CD2AP: variants seen among roughly 807,000 people sequenced by gnomAD.
The protein encoded by CD2AP is CD2 associated protein, also known as CD2-associated protein.
Under a neutral mutation model 85.1 loss-of-function variants are expected in CD2AP, and 46 were observed. The observed-to-expected ratio is 0.54, with a 90% CI of 0.43 to 0.69. The LOEUF (loss-of-function observed/expected upper bound fraction) is 0.69. Ranked by LOEUF, CD2AP falls within the 30% of genes least tolerant of loss-of-function variation. The probability of loss-of-function intolerance (pLI) is 0.00; values close to 1 mark genes in which losing one functional copy is unlikely to be tolerated. For synonymous variants in CD2AP, 255 were observed against 252.9 expected, an observed-to-expected ratio of 1.01 and a Z score of -0.08; for missense variants, 769 against 729.5, an observed-to-expected ratio of 1.05 and a Z score of -0.62.
chr6:47,491,250 C>A (rs1174048743), intron 1 of CD2AP, among the ~76,000 whole-genome samples: 1 of 138,444 alleles, frequency 7.2e-6, no homozygotes, highest in African/African-American at 2.7e-5. Context: ...ATATTTCTTT[C>A]TTCCTGATAT....
chr6:47,489,599 T>C (rs1765671632), intron 1 of CD2AP, among the ~76,000 whole-genome samples: 1 of 152,174 alleles, frequency 6.6e-6, no homozygotes, highest in African/African-American at 2.4e-5. Flanking sequence ...GTTACTAGCA[T>C]TTAGGGAATT....
rs907907990 is a variant in CD2AP at position 47,477,877 on chromosome 6, G to A, written c.-368G>A. On this transcript the variant is annotated 5_prime_UTR_variant, in exon 1 of 18. Coordinates refer to ENST00000359314, the MANE Select transcript of CD2AP (RefSeq NM_012120.3). ...AGGCGAGGGGCGGGCTCCGAGGCTA[G>A]GCGGGCGCTCGGGGTTGGAGCCGAG... The A allele has an allele frequency of 1.7e-5, 6 of 359,460 alleles. No homozygotes were observed. Among genetic ancestry groups the A allele is most frequent in the African/African-American group, 1.3e-4 (6 of 45,730 alleles). The allele number at this position is 359,460 out of a possible 1,614,324, so 22.3% of individuals were successfully genotyped here. A position where few individuals can be genotyped will look rare whatever the true frequency, so the allele number is the denominator to read the frequency against.
At chr6:47,516,139 T>A (rs141540520) in intron 2 of CD2AP, among the ~76,000 whole-genome samples, 26 of 152,362 alleles carry the variant, frequency 1.7e-4, no homozygotes, top group African/African-American at 6.0e-4. Context: ...GTTTACATTG[T>A]GGTACCAACA....
intron 11 of CD2AP, among the ~76,000 whole-genome samples, chr6:47,585,869 A>C (rs1188562795): frequency 6.6e-6 from 1 of 152,240 alleles, no homozygotes; most frequent in Non-Finnish European, 1.5e-5. Flanking sequence ...TAGAGTTCAT[A>C]AAACAGTGTA....
At chr6:47,534,996 C>T (rs1766990422) in intron 3 of CD2AP, among the ~76,000 whole-genome samples, 1 of 151,964 alleles carries the variant, frequency 6.6e-6, no homozygotes, top group African/African-American at 2.4e-5. Flanking sequence ...GGGGTTTTGC[C>T]ATGTTGCCTG....
chr6:47,519,789 G>A (rs1766537823), intron 2 of CD2AP, among the ~76,000 whole-genome samples: 1 of 152,032 alleles, frequency 6.6e-6, no homozygotes, highest in Non-Finnish European at 1.5e-5. Flanking sequence ...CTATAATATG[G>A]CAGGCACTGT....
intron 1 of CD2AP, among the ~76,000 whole-genome samples, chr6:47,490,627 A>T (rs1765709759): frequency 6.6e-6 from 1 of 152,192 alleles, no homozygotes; most frequent in Non-Finnish European, 1.5e-5. Context: ...TGTCTCAGGT[A>T]ATCAGTCTTT....
At chr6:47,486,202 T>C (rs945439690) in intron 1 of CD2AP, among the ~76,000 whole-genome samples, 17 of 152,326 alleles carry the variant, frequency 1.1e-4, no homozygotes, top group Admixed American at 9.8e-4. Context: ...ATAAAAGTTT[T>C]GGTGCCTTGA....
At chr6:47,549,077 C>T (rs1036583672) in intron 4 of CD2AP, among the ~76,000 whole-genome samples, 2 of 152,026 alleles carry the variant, frequency 1.3e-5, no homozygotes, top group African/African-American at 4.8e-5. Context: ...GCCGTCTATG[C>T]AAAACCACAG....
chr6:47,509,956 A>G (rs1766271192), intron 2 of CD2AP, among the ~76,000 whole-genome samples: 1 of 152,246 alleles, frequency 6.6e-6, no homozygotes, highest in Non-Finnish European at 1.5e-5. Flanking sequence ...ATGCTAATGT[A>G]TATTTCTACT....
intron 1 of CD2AP, among the ~76,000 whole-genome samples, 197 bp downstream of exon 1, chr6:47,478,445 T>C (rs544327170): frequency 6.7e-6 from 1 of 149,974 alleles, no homozygotes; most frequent in East Asian, 2.2e-4. Context: ...GTGGGAGAGC[T>C]CGCGGGTGCT....
chr6:47,568,037 G>A (rs910695865), intron 5 of CD2AP, among the ~76,000 whole-genome samples: 2 of 152,102 alleles, frequency 1.3e-5, no homozygotes, highest in Non-Finnish European at 2.9e-5. Context: ...GTGTAGAATA[G>A]GATCTATATA....
intron 2 of CD2AP, among the ~76,000 whole-genome samples, chr6:47,526,600 C>T (rs904318696): frequency 6.6e-6 from 1 of 152,102 alleles, no homozygotes; most frequent in African/African-American, 2.4e-5. Flanking sequence ...GCAATGAATT[C>T]ATATATCATG....
At chr6:47,483,174 CA>C (rs1387296166) in intron 1 of CD2AP, among the ~76,000 whole-genome samples, 2 of 152,194 alleles carry the variant, frequency 1.3e-5, no homozygotes, top group African/African-American at 4.8e-5. Flanking sequence ...AGATTTAACA[CA>C]AGCAGGATTT....
intron 3 of CD2AP, among the ~76,000 whole-genome samples, chr6:47,535,239 A>G (rs1767002576): frequency 6.6e-6 from 1 of 152,196 alleles, no homozygotes; most frequent in African/African-American, 2.4e-5. Flanking sequence ...AAAAATTCAA[A>G]AAACTGCAAC....
At chr6:47,607,636 G>A (rs1436069147) in intron 14 of CD2AP, among the ~76,000 whole-genome samples, 4 of 151,982 alleles carry the variant, frequency 2.6e-5, no homozygotes, top group Non-Finnish European at 5.9e-5. Context: ...ATTGCCTGGA[G>A]TACTGGTGGT....
intron 2 of CD2AP, among the ~76,000 whole-genome samples, chr6:47,528,765 A>T (rs1766793444): frequency 6.6e-6 from 1 of 152,134 alleles, no homozygotes; most frequent in African/African-American, 2.4e-5. Context: ...AGGATGTCTC[A>T]CCTATCTTTT....
chr6:47,570,538 C>G (rs1478671931), intron 5 of CD2AP, among the ~76,000 whole-genome samples: 1 of 2,942 alleles, frequency 3.4e-4, no homozygotes, highest in Non-Finnish European at 0.024. Flanking sequence ...GCTCCTTATC[C>G]TCTTTTCTTC....
At chr6:47,479,094 C>T (rs1028478508) in intron 1 of CD2AP, among the ~76,000 whole-genome samples, 4 of 152,026 alleles carry the variant, frequency 2.6e-5, no homozygotes, top group Non-Finnish European at 5.9e-5. Context: ...AAACTAACTC[C>T]CTCAATCCTT....
Sources: allele counts gnomAD v4.1 joint callset (sites outside exome capture counted in the v4.1 genomes callset), GRCh38; gene constraint gnomAD v4.1.1; transcripts MANE v1.5; gene names NCBI Gene and HGNC (gene_info 2026-07-23, HGNC 2026-07-21).